Variants in WFS1 observed in about 807,000 individuals in gnomAD.
The protein encoded by WFS1 is wolframin ER transmembrane glycoprotein.
WFS1 carries 90 observed loss-of-function variants against 68.5 expected under a neutral mutation model. The observed-to-expected ratio is 1.31, with a 90% CI of 1.11 to 1.56. The LOEUF (loss-of-function observed/expected upper bound fraction) is 1.56, where lower values mean the gene tolerates loss of function less well. Among genes scored for constraint, WFS1 ranks in the 40% most tolerant of loss-of-function variants. WFS1 has a pLI of 0.00. For missense variants in WFS1, 1,767 were observed against 1,232.6 expected (o/e 1.43, Z -6.49); for synonymous variants, 860 against 540.7 (o/e 1.59, Z -8.19).
chr4:6,285,999 A>G (rs1730299162), intron 2 of WFS1, among the ~76,000 whole-genome samples: 1 of 152,214 alleles, frequency 6.6e-6, no homozygotes, highest in Non-Finnish European at 1.5e-5. Flanking sequence ...GTGCTAGGAA[A>G]ATGACTTCCC....
chr4:6,281,596 C>T (rs1353108072), intron 2 of WFS1, among the ~76,000 whole-genome samples: 1 of 152,076 alleles, frequency 6.6e-6, no homozygotes, highest in Non-Finnish European at 1.5e-5. Flanking sequence ...GGTGGCACAG[C>T]CTGAGGTAGG....
At chr4:6,296,878 G>A (rs928841759) in intron 7 of WFS1, among the ~76,000 whole-genome samples, 2 of 152,358 alleles carry the variant, frequency 1.3e-5, no homozygotes, top group Non-Finnish European at 1.5e-5. Context: ...AGGCTGGAGT[G>A]CAGTGGCACG....
rs182737109 is a variant in WFS1 at position 6,288,063 on chromosome 4, A to G, written c.315+888A>G. Among the ~76,000 whole-genome samples the G allele has an allele frequency of 3.3e-5, 5 of 152,202 alleles. No homozygotes were observed. The East Asian group carries it at 9.6e-4, about 29-fold the overall frequency. ...GAAACCGTGTCTCCACTACAAATAG[A>G]AAAATTAGCCAGACATGGTGGTGCA... is the stretch of plus-strand genomic sequence containing the variant. On this transcript the variant is annotated intron_variant, in intron 3 of 7. Coordinates refer to ENST00000226760, the MANE Select transcript of WFS1 (RefSeq NM_006005.3).
chr4:6,281,857 A>G (rs1730178115), intron 2 of WFS1, among the ~76,000 whole-genome samples: 1 of 152,100 alleles, frequency 6.6e-6, no homozygotes, highest in Non-Finnish European at 1.5e-5. Context: ...CCCACACCAC[A>G]CTGAGGACTG....
chr4:6,281,472 C>T lies in WFS1; in HGVS notation c.232+3785C>T, dbSNP rs116118253. 2.6e-3 allele frequency among the ~76,000 whole-genome samples: 392 copies of T among 152,162 alleles called. 2 individuals are homozygous for T. The highest frequency in any genetic ancestry group is 4.6e-3 in the Non-Finnish European group (312 of 68,000). ...TTTACATTAAAGGCCAGCCAGGAGG[C>T]GGAGCAGAGAGAGGAGTAGCCAGGC... On this transcript the variant is annotated intron_variant, in intron 2 of 7. Transcript: ENST00000226760.
chr4:6,275,919 T>A (rs948663485), intron 1 of WFS1, among the ~76,000 whole-genome samples: 1 of 152,152 alleles, frequency 6.6e-6, no homozygotes, highest in Non-Finnish European at 1.5e-5. Context: ...GCCCATGGTG[T>A]CTGGTCTCAC....
chr4:6,292,476 A>G (rs995554331), intron 6 of WFS1, among the ~76,000 whole-genome samples: 3 of 151,984 alleles, frequency 2.0e-5, no homozygotes, highest in Non-Finnish European at 2.9e-5. Context: ...CAGGGAACAG[A>G]GTGGGCAGAG....
At chr4:6,270,384 C>T (rs1729766930) in intron 1 of WFS1, among the ~76,000 whole-genome samples, 1 of 151,840 alleles carries the variant, frequency 6.6e-6, no homozygotes, top group Admixed American at 6.6e-5. Flanking sequence ...CGTCATGCCC[C>T]TCCCCCGCGG....
In WFS1 at chr4:6,302,110, G is replaced by A. The variant is rs758646445; in HGVS notation, c.2315G>A (p.Arg772His). Reference protein sequence around the residue: ...KHPCHIKKFDRYKFEITVGMP... With the variant: ...KHPCHIKKFDHYKFEITVGMP... ...CCCTGCCACATCAAGAAGTTCGACC[G>A]CTACAAGTTTGAGATTACCGTGGGC... Residue 772 changes from arginine to histidine, a missense_variant, in exon 8 of 8, where the codon CGC (arginine) becomes CAC (histidine). Arg to His is a conservative substitution (Grantham distance 29, BLOSUM62 0). Coordinates refer to ENST00000226760, the MANE Select transcript of WFS1 (RefSeq NM_006005.3). The A allele has an allele frequency of 1.5e-5, 25 of 1,612,922 alleles. No individual in the cohort carries two copies. The South Asian group carries it at 2.1e-4, about 13-fold the overall frequency.
At chr4:6,282,831 G>C (rs1166127958) in intron 2 of WFS1, among the ~76,000 whole-genome samples, 1 of 152,186 alleles carries the variant, frequency 6.6e-6, no homozygotes, top group East Asian at 1.9e-4. Flanking sequence ...TGGCAGTTCA[G>C]CTGCTCAGCC....
chr4:6,301,335 C>T lies in WFS1; in HGVS notation c.1540C>T (p.Leu514Phe), dbSNP rs781498347. 4.3e-6 allele frequency: 7 copies of T among 1,611,986 alleles called. No individual in the cohort carries two copies. The highest frequency in any genetic ancestry group is 5.1e-6 in the Non-Finnish European group (6 of 1,180,000). Residue 514 changes from leucine to phenylalanine, a missense_variant, in exon 8 of 8, where the codon CTC (leucine) becomes TTC (phenylalanine). Leu to Phe is a conservative substitution (Grantham distance 22). Transcript: ENST00000226760. Reference sequence around the variant, plus strand: ...CCTGCTCTATGTCTACCTGCTCTATCTCTTCTTCCGCATGGCACAGCTGAG... The same window carrying T: ...CCTGCTCTATGTCTACCTGCTCTATTTCTTCTTCCGCATGGCACAGCTGAG... The part of the protein sequence containing the change: ...PCLLYVYLLY[L>F]FFRMAQLRNF...
At position 6,292,274 on chromosome 4, in the gene WFS1, A is replaced by G. The variant is rs4308429; in HGVS notation, c.712+277A>G. Among the ~76,000 whole-genome samples the G allele has an allele frequency of 0.64, 96,966 of 151,616 alleles. 31,603 individuals are homozygous for G. Among genetic ancestry groups the G allele is most frequent in the East Asian group, 0.93 (4,783 of 5,116 alleles). ...GGAAGGCAGACCCAGGACAGAAACCATGATGTGCCAGTCCCTCTTGGACAA... is the reference window on the plus strand; with the variant it reads ...GGAAGGCAGACCCAGGACAGAAACCGTGATGTGCCAGTCCCTCTTGGACAA... On this transcript the variant is annotated intron_variant, in intron 6 of 7. Transcript: ENST00000226760.
intron 6 of WFS1, chr4:6,294,707 G>C (rs959724841): frequency 5.3e-6 from 2 of 377,308 alleles, no homozygotes; most frequent in East Asian, 1.3e-4. Context: ...GGTGCATGTT[G>C]TAAGGCTTGG....
Position 6,283,043 on chromosome 4 carries a change from C to T in WFS1, c.233-4050C>T, listed in dbSNP as rs964498935. Among the ~76,000 whole-genome samples the T allele has an allele frequency of 4.6e-5, 7 of 152,302 alleles. No homozygotes were observed. The highest frequency in any genetic ancestry group is 1.3e-4 in the Admixed American group (2 of 15,304). On this transcript the variant is annotated intron_variant, in intron 2 of 7. Transcript: ENST00000226760. The surrounding 1 kb of genome is among the most constrained non-coding windows in gnomAD (Gnocchi z 5.0). ...GAAGGCTGGCGGAGCCTGTGATAGA[C>T]GATGGACGATGACCCAGGTTCCAGC...
Position 6,302,588 on chromosome 4 carries a change from C to A in WFS1, c.*120C>A. 3 of 1,453,282 alleles carry A rather than the reference C, an allele frequency of 2.1e-6. No homozygotes were observed. The highest frequency in any genetic ancestry group is 1.3e-5 in the South Asian group (1 of 78,354). The allele number at this position is 1,453,282 out of a possible 1,614,324, so 90.0% of individuals were successfully genotyped here. On this transcript the variant is annotated 3_prime_UTR_variant, in exon 8 of 8. Transcript: ENST00000226760. ...TGCCCACGTGTGCAGACTGTGGCTGCAGAGACCTTGCGACCATGTGTAGAT... is the reference window on the plus strand; with the variant it reads ...TGCCCACGTGTGCAGACTGTGGCTGAAGAGACCTTGCGACCATGTGTAGAT...
chr4:6,294,164 C>T (rs1161564118), intron 6 of WFS1, among the ~76,000 whole-genome samples: 1 of 152,164 alleles, frequency 6.6e-6, no homozygotes, highest in Non-Finnish European at 1.5e-5. Flanking sequence ...GGCTTGTCTC[C>T]CTCTGCCCTG....
At chr4:6,299,180 T>C (rs1307625446) in intron 7 of WFS1, among the ~76,000 whole-genome samples, 3 of 152,202 alleles carry the variant, frequency 2.0e-5, no homozygotes, top group Admixed American at 2.0e-4. Context: ...GCTCAGGGCC[T>C]CTGAGTTCTG....
Position 6,287,653 on chromosome 4 carries a change from G to A in WFS1, c.315+478G>A, listed in dbSNP as rs1370262067. 2.0e-5 allele frequency among the ~76,000 whole-genome samples: 3 copies of A among 152,188 alleles called. No homozygotes were observed. Among genetic ancestry groups the A allele is most frequent in the Non-Finnish European group, 4.4e-5 (3 of 68,040 alleles). On this transcript the variant is annotated intron_variant, in intron 3 of 7. Coordinates refer to ENST00000226760, the MANE Select transcript of WFS1 (RefSeq NM_006005.3). The surrounding 1 kb of genome is among the most constrained non-coding windows in gnomAD (Gnocchi z 6.4). ...ACATGATGTGGCCCTCTCTTCATGGGTGACAGGTTAGTGGAAGAAGCAGAC... is the reference window on the plus strand; with the variant it reads ...ACATGATGTGGCCCTCTCTTCATGGATGACAGGTTAGTGGAAGAAGCAGAC...
At chr4:6,276,714 C>T (rs1229413722) in intron 1 of WFS1, among the ~76,000 whole-genome samples, 1 of 152,226 alleles carries the variant, frequency 6.6e-6, no homozygotes, top group African/African-American at 2.4e-5. Flanking sequence ...TAAGAAACTA[C>T]TGGAAACTTG....
Sources: gnomAD v4.1 joint callset for allele counts (sites outside exome capture counted in the v4.1 genomes callset) on GRCh38, gnomAD v4.1.1 for gene constraint, Gnocchi (gnomAD v3.1) non-coding constraint, MANE v1.5 for transcripts, NCBI Gene and HGNC (gene_info 2026-07-23, HGNC 2026-07-21) for gene names.